LMBR1: variants seen among roughly 807,000 people sequenced by gnomAD.
LMBR1 encodes the protein limb development membrane protein 1.
LMBR1 carries 52 observed loss-of-function variants against 73.9 expected under a neutral mutation model. The observed-to-expected ratio is 0.70, with a 90% CI of 0.56 to 0.89. LMBR1 has a LOEUF of 0.89. LMBR1 is among the 40% of genes least tolerant of loss of function. The pLI is 0.00. For missense variants in LMBR1, 539 were observed against 579.8 expected, an observed-to-expected ratio of 0.93 and a Z score of 0.72; for synonymous variants, 215 against 209.4, an observed-to-expected ratio of 1.03 and a Z score of -0.23.
chr7:156,744,074 A>AT (rs552748876), intron 9 of LMBR1, among the ~76,000 whole-genome samples: 10 of 150,730 alleles, frequency 6.6e-5, no homozygotes, highest in South Asian at 2.1e-4. Context: ...GAATATATGA[A>AT]TTTTTTTTTT....
intron 1 of LMBR1, among the ~76,000 whole-genome samples, chr7:156,842,594 G>A (rs546116563): frequency 6.6e-6 from 1 of 152,230 alleles, no homozygotes; most frequent in Admixed American, 6.5e-5. Context: ...CTTCCTCAAG[G>A]GGAACTGGGT....
chr7:156,768,250 G>C (rs1824498478), intron 5 of LMBR1, among the ~76,000 whole-genome samples: 1 of 152,102 alleles, frequency 6.6e-6, no homozygotes, highest in African/African-American at 2.4e-5. Flanking sequence ...CCAGCTACTT[G>C]GGAGGCTGAG....
chr7:156,817,849 G>A (rs1056759813), intron 4 of LMBR1, among the ~76,000 whole-genome samples: 1 of 151,984 alleles, frequency 6.6e-6, no homozygotes, highest in East Asian at 1.9e-4. Context: ...TCGTAAATAT[G>A]GGCTTTTTTC....
intron 9 of LMBR1, among the ~76,000 whole-genome samples, chr7:156,749,270 C>T (rs1241221493): frequency 7.0e-6 from 1 of 142,340 alleles, no homozygotes; most frequent in Admixed American, 6.9e-5. Flanking sequence ...CTGGCATGAG[C>T]TTCCATATAT....
intron 15 of LMBR1, among the ~76,000 whole-genome samples, chr7:156,721,491 A>G (rs1346955399): frequency 6.6e-6 from 1 of 152,132 alleles, no homozygotes; most frequent in Admixed American, 6.6e-5. Flanking sequence ...CCTTGTTTGC[A>G]AACATCTCCT....
At chr7:156,716,771 T>C (rs991798328) in intron 15 of LMBR1, among the ~76,000 whole-genome samples, 45 of 152,352 alleles carry the variant, frequency 3.0e-4, no homozygotes, top group African/African-American at 1.1e-3. Flanking sequence ...CTCTGCTTTT[T>C]ATGCTATACA....
chr7:156,889,283 G>A (rs1802488175), intron 1 of LMBR1, among the ~76,000 whole-genome samples: 1 of 152,130 alleles, frequency 6.6e-6, no homozygotes, highest in African/African-American at 2.4e-5. Context: ...ATCTGGAAAT[G>A]GATAGTGGTG....
Position 156,826,467 on chromosome 7 carries a change from G to A in LMBR1, c.319+138C>T, listed in dbSNP as rs1835711943. 1.4e-5 allele frequency: 7 copies of A among 506,348 alleles called. No individual in the cohort carries two copies. In the Admixed American group the frequency reaches 2.6e-4, roughly 19 times the overall value. 31.4% of individuals were successfully genotyped at this position (506,348 alleles called of 1,614,324 possible). On this transcript the variant is annotated intron_variant, in intron 4 of 16. Coordinates refer to ENST00000353442, the MANE Select transcript of LMBR1 (RefSeq NM_022458.4). ...AATGATAAGTAAAATCTGGTTTTCT[G>A]ACATTATTAAAGACCCAAATCGTTT...
chr7:156,723,005 A>G (rs1049205931), intron 15 of LMBR1, among the ~76,000 whole-genome samples: 1 of 152,082 alleles, frequency 6.6e-6, no homozygotes, highest in East Asian at 1.9e-4. Flanking sequence ...TCAGGTTGCT[A>G]AAGAGCATAC....
intron 3 of LMBR1, among the ~76,000 whole-genome samples, chr7:156,826,946 T>C (rs1040938009): frequency 6.6e-6 from 1 of 152,220 alleles, no homozygotes; most frequent in African/African-American, 2.4e-5. Context: ...CTCCTTACTC[T>C]ATGAAAAGGT....
intron 1 of LMBR1, among the ~76,000 whole-genome samples, chr7:156,890,368 A>T (rs1336833125): frequency 2.0e-5 from 3 of 152,246 alleles, no homozygotes; most frequent in Non-Finnish European, 2.9e-5. Context: ...GTTCATCAGA[A>T]GATATCATTA....
intron 1 of LMBR1, among the ~76,000 whole-genome samples, chr7:156,855,801 G>C (rs1796881382): frequency 6.6e-6 from 1 of 151,794 alleles, no homozygotes. Flanking sequence ...TCAAAGATTA[G>C]AATTGCATCA....
At chr7:156,695,449 G>A (rs1230426777) in intron 15 of LMBR1, among the ~76,000 whole-genome samples, 1 of 152,206 alleles carries the variant, frequency 6.6e-6, no homozygotes, top group Non-Finnish European at 1.5e-5. Context: ...CATCTGCTCA[G>A]TTTCTGGGGA....
intron 4 of LMBR1, among the ~76,000 whole-genome samples, chr7:156,821,974 C>T (rs941344825): frequency 6.6e-6 from 1 of 152,240 alleles, no homozygotes; most frequent in Non-Finnish European, 1.5e-5. Flanking sequence ...TTTAAACACA[C>T]ACGAACATGT....
intron 4 of LMBR1, among the ~76,000 whole-genome samples, chr7:156,803,944 G>T (rs1831509529): frequency 7.3e-6 from 1 of 136,574 alleles, no homozygotes; most frequent in African/African-American, 2.7e-5. Context: ...ATTGAACAAT[G>T]AGAACACATG....
At chr7:156,781,609 G>C (rs563987289) in intron 5 of LMBR1, among the ~76,000 whole-genome samples, 1 of 152,152 alleles carries the variant, frequency 6.6e-6, no homozygotes, top group African/African-American at 2.4e-5. Flanking sequence ...ATCATCAAGG[G>C]ATACAAATCA....
intron 3 of LMBR1, among the ~76,000 whole-genome samples, chr7:156,827,664 A>T (rs2133829984): frequency 6.6e-6 from 1 of 152,288 alleles, no homozygotes; most frequent in Admixed American, 6.5e-5. Flanking sequence ...AAGTTCTATT[A>T]AAGTTAATAT....
intron 5 of LMBR1, among the ~76,000 whole-genome samples, chr7:156,795,214 T>C (rs964231447): frequency 1.3e-5 from 2 of 152,232 alleles, no homozygotes; most frequent in Non-Finnish European, 2.9e-5. Flanking sequence ...ACTTCCCCTG[T>C]GAAGCCTGCT....
At chr7:156,878,953 C>T (rs567087190) in intron 1 of LMBR1, among the ~76,000 whole-genome samples, 2 of 152,094 alleles carry the variant, frequency 1.3e-5, no homozygotes, top group South Asian at 2.1e-4. Flanking sequence ...AGTGGGGAAA[C>T]GACACCAACA....
Sources: gnomAD v4.1 joint callset for allele counts (sites outside exome capture counted in the v4.1 genomes callset) on GRCh38, gnomAD v4.1.1 for gene constraint, MANE v1.5 for transcripts, NCBI Gene and HGNC (gene_info 2026-07-23, HGNC 2026-07-21) for gene names.